The following BCL7C variants were observed in gnomAD, a reference collection of about 807,000 sequenced individuals.
BCL7C encodes BAF chromatin remodeling complex subunit BCL7C.
In BCL7C, 8 loss-of-function variants were observed where a neutral mutation model predicts 26.2. The observed-to-expected ratio is 0.30, with a 90% confidence interval of 0.18 to 0.55. The LOEUF (loss-of-function observed/expected upper bound fraction) is 0.55, where lower values mean the gene tolerates loss of function less well. Among genes scored for constraint, BCL7C ranks in the 20% least tolerant of loss-of-function variants. The pLI is 0.93. For missense variants in BCL7C, 262 were observed against 298.5 expected (o/e 0.88, Z 0.90); for synonymous variants, 90 against 116.5 (o/e 0.77, Z 1.47).
intron 5 of BCL7C, among the ~76,000 whole-genome samples, chr16:30,846,198 A>AT (rs2054634077): frequency 2.2e-5 from 2 of 91,698 alleles, no homozygotes; most frequent in Non-Finnish European, 4.2e-5. Flanking sequence ...GCTAATTTTA[A>AT]AATTTATTTA....
chr16:30,883,534 GGCTT>G (rs2055074296), downstream of BCL7C, among the ~76,000 whole-genome samples: 6 of 114,392 alleles, frequency 5.2e-5, no homozygotes, highest in African/African-American at 2.1e-4. Flanking sequence ...CAGCCAAACT[GGCTT>G]TTTTTTTTTT....
chr16:30,859,123 T>C (rs2054748899), intron 5 of BCL7C, among the ~76,000 whole-genome samples: 1 of 152,186 alleles, frequency 6.6e-6, no homozygotes, highest in South Asian at 2.1e-4. Flanking sequence ...ATCACCTACA[T>C]GCCCTCTGAG....
In BCL7C at chr16:30,892,911, C is replaced by G; in HGVS notation, c.209G>C (p.Arg70Pro). Residue 70 changes from arginine (R) to proline (P), a missense_variant, in exon 3 of 6, where the codon CGT becomes CCT. Transcript: ENST00000215115. ...GCCCCTGCCCCGACGTTCCCGGCCACGGGATCTCTCTGCCCCGCCACCTGC... is the reference window on the plus strand; with the variant it reads ...GCCCCTGCCCCGACGTTCCCGGCCAGGGGATCTCTCTGCCCCGCCACCTGC... The part of the protein sequence containing the change: ...RRAGGGAERS[R>P]GRERRGRGAS... The G allele has an allele frequency of 4.3e-6, 7 of 1,613,082 alleles. No individual in the cohort carries two copies. Among genetic ancestry groups the G allele is most frequent in the South Asian group, 1.1e-5 (1 of 91,074 alleles).
intron 5 of BCL7C, among the ~76,000 whole-genome samples, chr16:30,862,127 C>T (rs925093227): frequency 1.3e-4 from 20 of 151,838 alleles, no homozygotes; most frequent in Non-Finnish European, 2.1e-4. Context: ...TGAGCCACCG[C>T]GCCCGGCCTG....
chr16:30,866,742 G>A (rs761132834), intron 5 of BCL7C, among the ~76,000 whole-genome samples: 34 of 152,168 alleles, frequency 2.2e-4, no homozygotes, highest in African/African-American at 7.2e-4. Flanking sequence ...ATATGAACAG[G>A]CTGAATTAAC....
chr16:30,893,074 G>A lies in BCL7C; in HGVS notation c.172-126C>T. Reference sequence around the variant, plus strand: ...GTGGAGCAGAAAAGAGGGCAAAAGGGGAGGAGCTGCTAATGATGGTTCCCG... The same window carrying A: ...GTGGAGCAGAAAAGAGGGCAAAAGGAGAGGAGCTGCTAATGATGGTTCCCG... On this transcript the variant is annotated intron_variant, in intron 2 of 5. Transcript: ENST00000215115. This position sits in a 1 kb window ranked among gnomAD's most constrained non-coding sequence, Gnocchi z 5.2. 1.6e-6 allele frequency: 2 copies of A among 1,222,848 alleles called. No individual in the cohort carries two copies. The highest frequency in any genetic ancestry group is 1.5e-5 in the African/African-American group (1 of 66,336). 75.7% of individuals were successfully genotyped at this position (1,222,848 alleles called of 1,614,324 possible).
Position 30,893,215 on chromosome 16 carries a change from C to T in BCL7C, c.168G>A (p.Glu56=), listed in dbSNP as rs1200971785. Residue 56 remains glutamate, a synonymous_variant, in exon 2 of 6, where the codon GAG becomes GAA. Coordinates refer to ENST00000215115, the MANE Select transcript of BCL7C (RefSeq NM_004765.4). The surrounding 1 kb of genome is among the most constrained non-coding windows in gnomAD (Gnocchi z 5.2). ...FKWVPVVDPQ[E]EERRRAGGGA... is the part of the protein sequence containing the mutation. ...TGTGGGAATGGGGGTTGCTCACCTC[C>T]TCCTGGGGATCCACCACTGGCACCC... The T allele has an allele frequency of 1.2e-6, 2 of 1,613,098 alleles. No homozygotes were observed. Among genetic ancestry groups the T allele is most frequent in the South Asian group, 2.2e-5 (2 of 90,998 alleles).
chr16:30,854,977 C>T (rs1168176646), intron 5 of BCL7C, among the ~76,000 whole-genome samples: 2 of 151,954 alleles, frequency 1.3e-5, no homozygotes, highest in South Asian at 2.1e-4. Flanking sequence ...GGATTACAGG[C>T]GTGAGCCACC....
chr16:30,852,336 A>C (rs2054682390), intron 5 of BCL7C: 1 of 152,208 alleles, frequency 6.6e-6, no homozygotes, highest in Admixed American at 6.5e-5. Context: ...AAATAAACGT[A>C]AAATAAACAG....
intron 5 of BCL7C, among the ~76,000 whole-genome samples, chr16:30,874,445 T>C (rs1032203321): frequency 1.3e-5 from 2 of 152,068 alleles, no homozygotes; most frequent in Non-Finnish European, 2.9e-5. Context: ...AGCGAGATCC[T>C]GACTCTACAA....
At chr16:30,886,558 G>A (rs1450863906), downstream of BCL7C, among the ~76,000 whole-genome samples, 1 of 152,186 alleles carries the variant, frequency 6.6e-6, no homozygotes, top group Non-Finnish European at 1.5e-5. Context: ...TGTTCCCAGT[G>A]TTGTGTGGAG....
chr16:30,893,466 G>A lies in BCL7C; in HGVS notation c.93-176C>T, dbSNP rs546163162. On this transcript the variant is annotated intron_variant, in intron 1 of 5. Transcript: ENST00000215115. This position sits in a 1 kb window ranked among gnomAD's most constrained non-coding sequence, Gnocchi z 5.2. Reference sequence around the variant, plus strand: ...AGAGTCCTGCAAACCCCAGGGCATAGGCGGTGGGTGCCTCTAGAGAGAGGA... The same window carrying A: ...AGAGTCCTGCAAACCCCAGGGCATAAGCGGTGGGTGCCTCTAGAGAGAGGA... Among the ~76,000 whole-genome samples, 34 of 152,276 alleles carry A rather than the reference G, an allele frequency of 2.2e-4. No homozygotes were observed. Among genetic ancestry groups the A allele is most frequent in the African/African-American group, 4.1e-4 (17 of 41,556 alleles).
rs190156426 is a variant in BCL7C at position 30,888,225 on chromosome 16, G to A, written c.529-235C>T. 6.8e-3 allele frequency among the ~76,000 whole-genome samples: 1,031 copies of A among 152,318 alleles called. 4 individuals carry two copies. The highest frequency in any genetic ancestry group is 0.011 in the Non-Finnish European group (736 of 68,030). Reference sequence around the variant, plus strand: ...TCTGAAAATGCCTCGAGGTAGCCTCGTGAGAAATGTCAGAGGTTTATAAGG... The same window carrying A: ...TCTGAAAATGCCTCGAGGTAGCCTCATGAGAAATGTCAGAGGTTTATAAGG... On this transcript the variant is annotated intron_variant, in intron 5 of 5. Coordinates refer to ENST00000215115, the MANE Select transcript of BCL7C (RefSeq NM_004765.4).
chr16:30,839,874 T>A (rs888671379), intron 5 of BCL7C, among the ~76,000 whole-genome samples: 3 of 152,226 alleles, frequency 2.0e-5, no homozygotes, highest in African/African-American at 7.2e-5. Context: ...TAATTTGTTA[T>A]GCAGCAATAG....
chr16:30,863,868 G>C (rs990048018), intron 5 of BCL7C, among the ~76,000 whole-genome samples: 1 of 152,100 alleles, frequency 6.6e-6, no homozygotes, highest in Non-Finnish European at 1.5e-5. Flanking sequence ...TCCCCAATCC[G>C]CCACTCTTGA....
At chr16:30,887,770 G>C, downstream of BCL7C, 1 of 1,490,700 alleles carries the variant, frequency 6.7e-7, no homozygotes, top group Non-Finnish European at 8.9e-7. Context: ...CCCCAGCCCT[G>C]ACGGGGAAAT....
At chr16:30,839,657 T>G (rs963160029) in intron 5 of BCL7C, among the ~76,000 whole-genome samples, 1 of 152,142 alleles carries the variant, frequency 6.6e-6, no homozygotes, top group Admixed American at 6.6e-5. Flanking sequence ...CTACCCAACA[T>G]CCAGCAAGGA....
chr16:30,881,036 C>T (rs2143090463), intron 5 of BCL7C, among the ~76,000 whole-genome samples: 1 of 152,210 alleles, frequency 6.6e-6, no homozygotes, highest in East Asian at 1.9e-4. Context: ...ATGCATTTTA[C>T]TATATAGATA....
intron 5 of BCL7C, among the ~76,000 whole-genome samples, chr16:30,873,091 C>CA (rs59435683): frequency 0.98 from 149,516 of 152,252 alleles, 73,461 homozygotes; most frequent in Middle Eastern, 1. Flanking sequence ...TAGGTGTATT[C>CA]AAAAGGAAAC....
Sources: gnomAD v4.1 joint callset for allele counts (sites outside exome capture counted in the v4.1 genomes callset) on GRCh38, gnomAD v4.1.1 for gene constraint, Gnocchi (gnomAD v3.1) non-coding constraint, MANE v1.5 for transcripts, NCBI Gene and HGNC (gene_info 2026-07-23, HGNC 2026-07-21) for gene names.